NACC2: variants seen among roughly 807,000 people sequenced by gnomAD.
NACC2 encodes the protein nucleus accumbens-associated protein 2.
Under a neutral mutation model 25.1 loss-of-function variants are expected in NACC2, and 8 were observed. The ratio of observed to expected loss-of-function variants is 0.32; its 90% CI spans 0.19 to 0.57. The LOEUF is 0.57. Ranked by LOEUF, NACC2 falls within the 20% of genes least tolerant of loss-of-function variation. The probability of loss-of-function intolerance (pLI) is 0.89; values close to 1 mark genes in which losing one functional copy is unlikely to be tolerated. For synonymous variants in NACC2, 435 were observed against 294.7 expected (o/e 1.48, Z -4.88); for missense variants, 644 against 650.2 (o/e 0.99, Z 0.10).
At chr9:136,021,621 G>A (rs1177190150) in intron 2 of NACC2, among the ~76,000 whole-genome samples, 2 of 152,184 alleles carry the variant, frequency 1.3e-5, no homozygotes, top group Non-Finnish European at 2.9e-5. Context: ...CAAGAAAAAT[G>A]GGAGTTTATC....
At chr9:136,021,281 C>T (rs1233960471) in intron 2 of NACC2, among the ~76,000 whole-genome samples, 1 of 152,216 alleles carries the variant, frequency 6.6e-6, no homozygotes, top group Non-Finnish European at 1.5e-5. Flanking sequence ...AAAAGACACT[C>T]AAGCATCCTT....
Position 136,050,049 on chromosome 9 carries a change from G to T in NACC2, c.473C>A (p.Pro158His), listed in dbSNP as rs1840795493. 6.9e-6 allele frequency: 5 copies of T among 721,988 alleles called. No individual in the cohort carries two copies. The highest frequency in any genetic ancestry group is 1.3e-5 in the Non-Finnish European group (5 of 396,058). The allele number at this position is 721,988 out of a possible 1,614,324, so 44.7% of individuals were successfully genotyped here. A position where few individuals can be genotyped will look rare whatever the true frequency, so the allele number is the denominator to read the frequency against. The stretch of plus-strand genomic sequence containing the variant: ...GGGCACCGAGGGGGACACGACGTAG[G>T]GGGCCGCGGCGGCGGCGGCCGGCTG... ...QLQPAAAAAA[P>H]YVVSPSVPIP... The change falls in exon 2 of 6, where the codon CCC becomes CAC. Residue 158 changes from proline to histidine, a missense_variant. Coordinates refer to ENST00000277554, the MANE Select transcript of NACC2 (RefSeq NM_144653.5).
At position 136,049,823 on chromosome 9, in the gene NACC2, G is replaced by A; in HGVS notation, c.699C>T (p.Ile233=). ...GGTAGGGCATCTGCTGGATGCCGGGGATGAGGGTGGCCAGGCTGGGCACCC... is the reference window on the plus strand; with the variant it reads ...GGTAGGGCATCTGCTGGATGCCGGGAATGAGGGTGGCCAGGCTGGGCACCC... ...YYGVPSLATL[I]PGIQQMPYPQ... is the part of the protein sequence containing the mutation. Residue 233 remains isoleucine (I), a synonymous_variant, in exon 2 of 6, where the codon ATC becomes ATT. Coordinates refer to ENST00000277554, the MANE Select transcript of NACC2 (RefSeq NM_144653.5). 2 of 732,140 alleles carry A rather than the reference G, an allele frequency of 2.7e-6. No homozygotes were observed. The highest frequency in any genetic ancestry group is 5.1e-6 in the Non-Finnish European group (2 of 392,732). The allele number at this position is 732,140 out of a possible 1,614,324, so 45.4% of individuals were successfully genotyped here.
Position 136,020,891 on chromosome 9 carries a change from C to T in NACC2, c.887-4462G>A, listed in dbSNP as rs957764309. On this transcript the variant is annotated intron_variant, in intron 2 of 5. Coordinates refer to ENST00000277554, the MANE Select transcript of NACC2 (RefSeq NM_144653.5). The surrounding 1 kb of genome is among the most constrained non-coding windows in gnomAD (Gnocchi z 4.7). ...AATGGGGCTTGAGCAACTGGCCATCCGCACCCACACGTGGCACCAAAACCA... is the reference window on the plus strand; with the variant it reads ...AATGGGGCTTGAGCAACTGGCCATCTGCACCCACACGTGGCACCAAAACCA... 6.6e-6 allele frequency among the ~76,000 whole-genome samples: 1 copy of T among 152,092 alleles called. No homozygotes were observed. The highest frequency in any genetic ancestry group is 2.4e-5 in the African/African-American group (1 of 41,396).
Position 136,013,162 on chromosome 9 carries a change from C to A in NACC2, c.1255+37G>T, listed in dbSNP as rs755804128. 2.4e-5 allele frequency: 20 copies of A among 835,550 alleles called. No individual in the cohort carries two copies. In the South Asian group the frequency reaches 2.6e-4, roughly 11 times the overall value. 51.8% of individuals were successfully genotyped at this position (835,550 alleles called of 1,614,324 possible). ...CTCAGGCTGGGATCTGAACCCAGCC[C>A]CGGCCCCACCCACCCGAGAGACCCC... On this transcript the variant is annotated intron_variant, in intron 5 of 5. Coordinates refer to ENST00000277554, the MANE Select transcript of NACC2 (RefSeq NM_144653.5). This position sits in a 1 kb window ranked among gnomAD's most constrained non-coding sequence, Gnocchi z 6.6.
chr9:136,047,691 C>T (rs1049195354), intron 2 of NACC2, among the ~76,000 whole-genome samples: 4 of 152,158 alleles, frequency 2.6e-5, no homozygotes, highest in Non-Finnish European at 5.9e-5. Flanking sequence ...GAGCAGCTGC[C>T]TCCCGTCCCC....
At position 136,049,828 on chromosome 9, in the gene NACC2, G is replaced by T; in HGVS notation, c.694C>A (p.Leu232Ile). Residue 232 changes from leucine (L) to isoleucine (I), a missense_variant, in exon 2 of 6, where the codon CTC (leucine) becomes ATC (isoleucine). Physicochemically the swap from Leu to Ile is conservative, Grantham distance 5. Transcript: ENST00000277554. The part of the protein sequence containing the change: ...SYYGVPSLAT[L>I]IPGIQQMPYP... ...GGCATCTGCTGGATGCCGGGGATGA[G>T]GGTGGCCAGGCTGGGCACCCCGTAG... 1.4e-6 allele frequency: 1 copy of T among 724,704 alleles called. No homozygotes were observed. The highest frequency in any genetic ancestry group is 2.5e-5 in the East Asian group (1 of 39,228). The allele number at this position is 724,704 out of a possible 1,614,324, so 44.9% of individuals were successfully genotyped here. A position where few individuals can be genotyped will look rare whatever the true frequency, so the allele number is the denominator to read the frequency against.
At chr9:136,072,950 G>A (rs1306882718) in intron 1 of NACC2, among the ~76,000 whole-genome samples, 1 of 152,166 alleles carries the variant, frequency 6.6e-6, no homozygotes, top group East Asian at 1.9e-4. Context: ...AATATTTGTA[G>A]AATCCGGGGC....
chr9:136,021,556 T>G lies in NACC2; in HGVS notation c.887-5127A>C, dbSNP rs147503855. Among the ~76,000 whole-genome samples the G allele has an allele frequency of 5.2e-3, 797 of 152,322 alleles. 8 individuals are homozygous for G. The highest frequency in any genetic ancestry group is 0.018 in the African/African-American group (742 of 41,548). On this transcript the variant is annotated intron_variant, in intron 2 of 5. Coordinates refer to ENST00000277554, the MANE Select transcript of NACC2 (RefSeq NM_144653.5). ...CTCTGGAAAACTGCTTGGTGGCTTC[T>G]TGTCAAGTTCAACATACACTTATGA...
intron 2 of NACC2, among the ~76,000 whole-genome samples, chr9:136,042,511 C>T (rs942715219): frequency 1.3e-5 from 2 of 152,116 alleles, no homozygotes; most frequent in Admixed American, 6.5e-5. Context: ...AATGACTGGA[C>T]GTCCACAGGG....
intron 1 of NACC2, among the ~76,000 whole-genome samples, chr9:136,085,605 G>A (rs1268854350): frequency 5.9e-5 from 9 of 152,206 alleles, no homozygotes; most frequent in Non-Finnish European, 1.5e-5. Flanking sequence ...AGGGGCCTGG[G>A]AGGCGGCTGC....
intron 2 of NACC2, among the ~76,000 whole-genome samples, chr9:136,044,493 G>T (rs1248831907): frequency 2.0e-5 from 3 of 152,108 alleles, no homozygotes; most frequent in Non-Finnish European, 2.9e-5. Context: ...GCACTCCCCG[G>T]TCTGGCCATC....
At chr9:136,030,563 C>A (rs924721117) in intron 2 of NACC2, among the ~76,000 whole-genome samples, 3 of 151,790 alleles carry the variant, frequency 2.0e-5, no homozygotes, top group Non-Finnish European at 4.4e-5. Context: ...TGAGCCGAGA[C>A]TGCGCCACTG....
At chr9:136,021,599 TAGG>T (rs946902966) in intron 2 of NACC2, among the ~76,000 whole-genome samples, 3 of 152,166 alleles carry the variant, frequency 2.0e-5, no homozygotes, top group African/African-American at 7.2e-5. Context: ...ATTATACTTC[TAGG>T]TATTTGCCCA....
chr9:136,051,252 G>A (rs1251860751), intron 1 of NACC2, among the ~76,000 whole-genome samples: 1 of 152,152 alleles, frequency 6.6e-6, no homozygotes, highest in African/African-American at 2.4e-5. Context: ...CCCTGGGCGC[G>A]CCCGCTCCGT....
chr9:136,022,569 G>A lies in NACC2; in HGVS notation c.887-6140C>T, dbSNP rs1277297494. 7.2e-5 allele frequency among the ~76,000 whole-genome samples: 11 copies of A among 152,184 alleles called. No individual in the cohort carries two copies. The highest frequency in any genetic ancestry group is 1.5e-5 in the Non-Finnish European group (1 of 68,034). On this transcript the variant is annotated intron_variant, in intron 2 of 5. Transcript: ENST00000277554. The surrounding 1 kb of genome is among the most constrained non-coding windows in gnomAD (Gnocchi z 4.4). ...ACCCAGCTTTGGGGGTGGGTCCATG[G>A]TCCCAGCTCGCTGCCTCCTGGCCAG...
At chr9:136,078,226 C>G (rs1241188551) in intron 1 of NACC2, among the ~76,000 whole-genome samples, 1 of 152,154 alleles carries the variant, frequency 6.6e-6, no homozygotes, top group Non-Finnish European at 1.5e-5. Flanking sequence ...TGGCAGGGGT[C>G]CCCAGGACCC....
chr9:136,030,340 T>G (rs943589125), intron 2 of NACC2, among the ~76,000 whole-genome samples: 2 of 151,998 alleles, frequency 1.3e-5, no homozygotes, highest in African/African-American at 4.8e-5. Flanking sequence ...CCGGGCGCGG[T>G]GGCTCACGCC....
chr9:136,054,979 AC>A (rs1840902339), intron 1 of NACC2, among the ~76,000 whole-genome samples: 2 of 151,856 alleles, frequency 1.3e-5, no homozygotes, highest in African/African-American at 4.8e-5. Flanking sequence ...CCCACCCCAC[AC>A]AGACACACAG....
Sources: gnomAD v4.1 joint callset for allele counts (sites outside exome capture counted in the v4.1 genomes callset) on GRCh38, gnomAD v4.1.1 for gene constraint, Gnocchi (gnomAD v3.1) non-coding constraint, MANE v1.5 for transcripts, NCBI Gene and HGNC (gene_info 2026-07-23, HGNC 2026-07-21) for gene names.